The following MICOS10 variants were observed in gnomAD, a reference collection of about 807,000 sequenced individuals.
MICOS10 encodes the protein mitochondrial contact site and cristae organizing system subunit 10, also known as MICOS complex subunit MIC10.
MICOS10 carries 5 observed loss-of-function variants against 13.4 expected under a neutral mutation model. That is an observed-to-expected ratio of 0.37 (90% CI 0.20 to 0.78). The LOEUF is 0.78. Ranked by LOEUF, MICOS10 falls within the 30% of genes least tolerant of loss-of-function variation. The pLI is 0.47. For synonymous variants in MICOS10, 35 were observed against 33.6 expected (o/e 1.04, Z -0.15); for missense variants, 101 against 94.6 (o/e 1.07, Z -0.28).
In MICOS10 at chr1:19,614,474, A is replaced by AT. The variant is rs930236325; in HGVS notation, c.65-7617dup. The AT allele has an allele frequency of 9.3e-5, 14 of 151,114 alleles. 1 individual carries two copies. Among genetic ancestry groups the AT allele is most frequent in the African/African-American group, 1.7e-4 (7 of 41,092 alleles). 9.4% of individuals were successfully genotyped at this position (151,114 alleles called of 1,614,324 possible). On this transcript the variant is annotated intron_variant, in intron 1 of 3. Transcript: ENST00000322753. The stretch of plus-strand genomic sequence containing the variant: ...ACACACACACCACTCACTCACTTTA[A>AT]TTTTTTTTTATTTTTTTTATTTTTA...
Position 19,597,079 on chromosome 1 carries a change from C to T in MICOS10, c.34C>T (p.Arg12Trp), listed in dbSNP as rs1374822053. The stretch of plus-strand genomic sequence containing the variant: ...GTCGGAGCTCGGCAGGAAGTGGGAC[C>T]GGTGTCTGGCGGATGCGGTCGTGAA... ...SESELGRKWD[R>W]CLADAVVKIG... The change falls in exon 1 of 4, where the codon CGG (arginine) becomes TGG (tryptophan). Residue 12 changes from arginine (R) to tryptophan (W), a missense_variant. Transcript: ENST00000322753. 3.8e-6 allele frequency: 6 copies of T among 1,598,114 alleles called. No individual in the cohort carries two copies. The highest frequency in any genetic ancestry group is 4.3e-6 in the Non-Finnish European group (5 of 1,173,692).
chr1:19,608,489 A>G (rs2094844666), intron 1 of MICOS10: 2 of 1,214,246 alleles, frequency 1.6e-6, no homozygotes, highest in Non-Finnish European at 2.4e-6. Context: ...GGGTATGAAG[A>G]TCGGGAGGAT....
rs569649642 is a variant in MICOS10 at position 19,606,209 on chromosome 1, A to G, written c.64+9100A>G. On this transcript the variant is annotated intron_variant, in intron 1 of 3. Coordinates refer to ENST00000322753, the MANE Select transcript of MICOS10 (RefSeq NM_001032363.4). ...AGAGTTTATATTTACAGAACTTGAA[A>G]TGCAGGCTCAGGAGTGGGAGGAGTC... is the stretch of plus-strand genomic sequence containing the variant. Among the ~76,000 whole-genome samples the G allele has an allele frequency of 2.0e-5, 3 of 152,320 alleles. No individual in the cohort carries two copies. The East Asian group carries it at 5.8e-4, about 29-fold the overall frequency.
At chr1:19,598,588 G>A (rs2094801761) in intron 1 of MICOS10, among the ~76,000 whole-genome samples, 1 of 150,868 alleles carries the variant, frequency 6.6e-6, no homozygotes, top group Non-Finnish European at 1.5e-5. Flanking sequence ...ACCAGCCTGG[G>A]AAACAAAGTG....
chr1:19,612,823 CAGATG>C (rs2094868998), intron 1 of MICOS10, among the ~76,000 whole-genome samples: 1 of 152,204 alleles, frequency 6.6e-6, no homozygotes, highest in African/African-American at 2.4e-5. Flanking sequence ...AACACCTTTT[CAGATG>C]CTGACTTCGG....
intron 1 of MICOS10, among the ~76,000 whole-genome samples, chr1:19,606,615 G>A (rs1199078625): frequency 4.6e-5 from 7 of 151,954 alleles, no homozygotes; most frequent in African/African-American, 1.7e-4. Context: ...GTGTGGTGGC[G>A]CATGCCTGTA....
chr1:19,597,810 T>C (rs372991928), intron 1 of MICOS10: 1 of 152,340 alleles, frequency 6.6e-6, no homozygotes, highest in East Asian at 1.9e-4. Context: ...ATTGTCTTCA[T>C]TGTGCGAAAT....
chr1:19,608,279 G>C (rs777682842), intron 1 of MICOS10: 8 of 1,348,960 alleles, frequency 5.9e-6, no homozygotes, highest in Non-Finnish European at 8.5e-6. Flanking sequence ...CATCTGCCGT[G>C]TGACTGGTGG....
chr1:19,627,251 T>G lies in MICOS10; in HGVS notation c.*850T>G, dbSNP rs770866605. ...AGATGCAAAAGTCATATTTTAGCAA[T>G]TTCTTCAGACGATATACAGAACCCC... On this transcript the variant is annotated 3_prime_UTR_variant, in exon 4 of 4. Transcript: ENST00000322753. 6 of 152,264 alleles carry G rather than the reference T, an allele frequency of 3.9e-5. No homozygotes were observed. The highest frequency in any genetic ancestry group is 8.8e-5 in the Non-Finnish European group (6 of 68,050). The allele number at this position is 152,264 out of a possible 1,614,324, so 9.4% of individuals were successfully genotyped here. A position where few individuals can be genotyped will look rare whatever the true frequency, so the allele number is the denominator to read the frequency against.
At chr1:19,625,772 C>A in intron 3 of MICOS10, 1 of 941,154 alleles carries the variant, frequency 1.1e-6, no homozygotes, top group Non-Finnish European at 1.4e-6. Context: ...ATTTGTGTGT[C>A]CTGCTCCAAA....
intron 1 of MICOS10, among the ~76,000 whole-genome samples, chr1:19,607,526 A>G (rs2094839860): frequency 6.6e-6 from 1 of 152,220 alleles, no homozygotes; most frequent in African/African-American, 2.4e-5. Flanking sequence ...ATGTTAGGGC[A>G]TTGCTAGATT....
intron 1 of MICOS10, among the ~76,000 whole-genome samples, chr1:19,609,255 T>G (rs1205836297): frequency 6.6e-6 from 1 of 152,084 alleles, no homozygotes; most frequent in Non-Finnish European, 1.5e-5. Flanking sequence ...ATACTTAACA[T>G]CAGTGGCTGT....
intron 1 of MICOS10, among the ~76,000 whole-genome samples, chr1:19,611,335 G>C (rs1021736973): frequency 6.6e-6 from 1 of 152,054 alleles, no homozygotes; most frequent in African/African-American, 2.4e-5. Context: ...ATCCTATTCT[G>C]ATTAGATGCA....
chr1:19,607,651 C>T (rs897595851), intron 1 of MICOS10, among the ~76,000 whole-genome samples: 3 of 152,138 alleles, frequency 2.0e-5, no homozygotes, highest in Admixed American at 1.3e-4. Context: ...CCCAGCAACT[C>T]GGGAAGTTTA....
At position 19,597,011 on chromosome 1, in the gene MICOS10, G is replaced by A. The variant is rs558054451; in HGVS notation, c.-35G>A. On this transcript the variant is annotated 5_prime_UTR_variant, in exon 1 of 4. Coordinates refer to ENST00000322753, the MANE Select transcript of MICOS10 (RefSeq NM_001032363.4). ...TTTCAGGGGTCGGAGCGCGGGGGCC[G>A]GCCGAGAGGAAAGCTGGAGGCGCGG... 3 of 1,568,604 alleles carry A rather than the reference G, an allele frequency of 1.9e-6. No homozygotes were observed. Among genetic ancestry groups the A allele is most frequent in the East Asian group, 2.5e-5 (1 of 39,842 alleles).
intron 1 of MICOS10, among the ~76,000 whole-genome samples, chr1:19,619,319 T>C (rs1172719688): frequency 6.6e-6 from 1 of 152,266 alleles, no homozygotes; most frequent in Non-Finnish European, 1.5e-5. Flanking sequence ...CTGCTGATTA[T>C]GTTTGCTTCT....
At chr1:19,605,247 A>AT (rs879753013) in intron 1 of MICOS10, among the ~76,000 whole-genome samples, 1 of 152,136 alleles carries the variant, frequency 6.6e-6, no homozygotes, top group Non-Finnish European at 1.5e-5. Flanking sequence ...AGTTGTGGAG[A>AT]TTTTTTAAAC....
intron 1 of MICOS10, among the ~76,000 whole-genome samples, chr1:19,614,782 T>G (rs1423122808): frequency 6.6e-6 from 1 of 152,170 alleles, no homozygotes; most frequent in Non-Finnish European, 1.5e-5. Flanking sequence ...GCTGACTGAG[T>G]GAAGTGCTGC....
Position 19,611,469 on chromosome 1 carries a change from ATT to A in MICOS10, c.65-10610_65-10609del, listed in dbSNP as rs768118529. Among the ~76,000 whole-genome samples the A allele has an allele frequency of 1.0e-3, 90 of 90,302 alleles. 1 individual carries two copies. Among genetic ancestry groups the A allele is most frequent in the South Asian group, 1.9e-3 (5 of 2,680 alleles). 59.2% of individuals were successfully genotyped at this position (90,302 alleles called of 152,430 possible). On this transcript the variant is annotated intron_variant, in intron 1 of 3. Transcript: ENST00000322753. ...TTCTCTTTATTCCAGTTGCAACTTG[ATT>A]TTTTTTTTTTTTTTTTTTTTGAGAC...
Sources: allele counts gnomAD v4.1 joint callset (sites outside exome capture counted in the v4.1 genomes callset), GRCh38; gene constraint gnomAD v4.1.1; transcripts MANE v1.5; gene names NCBI Gene and HGNC (gene_info 2026-07-23, HGNC 2026-07-21).